KCNIP4: variants seen among roughly 807,000 people sequenced by gnomAD.
KCNIP4 encodes Kv channel-interacting protein 4.
A neutral mutation model predicts 34.0 loss-of-function variants in KCNIP4; 12 were observed. That is an observed-to-expected ratio of 0.35 (90% CI 0.23 to 0.57). The LOEUF (loss-of-function observed/expected upper bound fraction) is 0.57, where lower values mean the gene tolerates loss of function less well. Among genes scored for constraint, KCNIP4 ranks in the 20% least tolerant of loss-of-function variants. The pLI is 0.83. For missense variants in KCNIP4, 238 were observed against 311.7 expected (o/e 0.76, Z 1.78); for synonymous variants, 124 against 102.2 (o/e 1.21, Z -1.29).
At chr4:21,917,557 T>C (rs1028847746) in intron 1 of KCNIP4, among the ~76,000 whole-genome samples, 33 of 152,344 alleles carry the variant, frequency 2.2e-4, no homozygotes, top group Admixed American at 7.8e-4. Flanking sequence ...AGTTAAGGAC[T>C]TGACCACATC....
intron 6 of KCNIP4, among the ~76,000 whole-genome samples, chr4:20,733,165 A>AATAT (rs1748754738): frequency 1.3e-5 from 2 of 152,210 alleles, no homozygotes; most frequent in Non-Finnish European, 2.9e-5. Flanking sequence ...TTGAGAATCA[A>AATAT]ATATACGGCA....
At chr4:21,714,789 A>T (rs201857643) in intron 1 of KCNIP4, among the ~76,000 whole-genome samples, 133 of 4,884 alleles carry the variant, frequency 0.027, 7 homozygotes, top group South Asian at 0.17. Context: ...CCCTTTGATT[A>T]TTTTATTTTA....
At chr4:21,506,491 T>C (rs1327485577) in intron 1 of KCNIP4, among the ~76,000 whole-genome samples, 1 of 152,216 alleles carries the variant, frequency 6.6e-6, no homozygotes, top group Admixed American at 6.5e-5. Context: ...TTAGTACATC[T>C]ACTAAAATTG....
intron 3 of KCNIP4, among the ~76,000 whole-genome samples, chr4:20,774,809 T>A (rs1756234049): frequency 6.6e-6 from 1 of 152,164 alleles, no homozygotes; most frequent in Non-Finnish European, 1.5e-5. Context: ...AGATGGCAAA[T>A]GTGCCTGGGG....
chr4:20,749,841 T>G, intron 4 of KCNIP4, 109 bp from the exon 5 acceptor site: 2 of 638,634 alleles, frequency 3.1e-6, no homozygotes, highest in Non-Finnish European at 5.3e-6. Flanking sequence ...CTCTGCCTCC[T>G]TTAGTTTGTG....
chr4:21,399,367 T>C (rs1421664196), intron 1 of KCNIP4, among the ~76,000 whole-genome samples: 2 of 152,184 alleles, frequency 1.3e-5, no homozygotes, highest in African/African-American at 4.8e-5. Flanking sequence ...ATGCAGGCAT[T>C]GTCTGCAACC....
At chr4:21,044,370 G>T (rs1220282303) in intron 1 of KCNIP4, among the ~76,000 whole-genome samples, 1 of 151,958 alleles carries the variant, frequency 6.6e-6, no homozygotes, top group African/African-American at 2.4e-5. Flanking sequence ...GGAGTGCAAT[G>T]GCGTGATCTT....
chr4:21,835,600 T>G lies in KCNIP4; in HGVS notation c.61+112971A>C, dbSNP rs201811834. On this transcript the variant is annotated intron_variant, in intron 1 of 8. Transcript: ENST00000382152. Reference sequence around the variant, plus strand: ...TTACGTTTTTTTTTGTTAGTTTTTTTTTGTTGTTGTTGTTTTTAACTAACA... The same window carrying G: ...TTACGTTTTTTTTTGTTAGTTTTTTGTTGTTGTTGTTGTTTTTAACTAACA... Among the ~76,000 whole-genome samples, 344 of 151,952 alleles carry G rather than the reference T, an allele frequency of 2.3e-3. 1 individual carries two copies. Among genetic ancestry groups the G allele is most frequent in the South Asian group, 8.3e-3 (40 of 4,816 alleles).
At chr4:20,779,576 A>ACCCC (rs71653900) in intron 3 of KCNIP4, among the ~76,000 whole-genome samples, 5 of 80,552 alleles carry the variant, frequency 6.2e-5, no homozygotes, top group Non-Finnish European at 9.7e-5. Flanking sequence ...CTGCCCCACA[A>ACCCC]CCCCCCCCCC....
chr4:21,510,758 C>T (rs1734246416), intron 1 of KCNIP4, among the ~76,000 whole-genome samples: 1 of 152,010 alleles, frequency 6.6e-6, no homozygotes, highest in Admixed American at 6.6e-5. Context: ...TGGCTCATGC[C>T]TGTAACCCAG....
intron 1 of KCNIP4, among the ~76,000 whole-genome samples, chr4:20,955,030 G>A (rs1733149665): frequency 6.6e-6 from 1 of 152,154 alleles, no homozygotes; most frequent in South Asian, 2.1e-4. Flanking sequence ...TGGCATGGAG[G>A]GGAGAGAGGC....
intron 1 of KCNIP4, among the ~76,000 whole-genome samples, chr4:21,040,647 G>T (rs1046038247): frequency 6.6e-6 from 1 of 151,902 alleles, no homozygotes; most frequent in Non-Finnish European, 1.5e-5. Flanking sequence ...GCTACTTTAG[G>T]CAAAGTATAT....
chr4:21,125,830 A>G (rs992035147), intron 1 of KCNIP4, among the ~76,000 whole-genome samples: 1 of 152,108 alleles, frequency 6.6e-6, no homozygotes, highest in Non-Finnish European at 1.5e-5. Context: ...ATATTTTTAG[A>G]GTAGTTATTC....
intron 1 of KCNIP4, among the ~76,000 whole-genome samples, chr4:21,816,435 C>A (rs897333176): frequency 5.3e-5 from 8 of 151,992 alleles, no homozygotes; most frequent in Non-Finnish European, 1.2e-4. Context: ...ATAATTCACC[C>A]ATCAAATAAA....
chr4:21,795,943 C>T (rs148718085), intron 1 of KCNIP4, among the ~76,000 whole-genome samples: 3 of 152,100 alleles, frequency 2.0e-5, no homozygotes, highest in African/African-American at 4.8e-5. Flanking sequence ...GTGGTGCGTG[C>T]CTGTAATCCC....
At chr4:21,429,556 G>T (rs1033533796) in intron 1 of KCNIP4, among the ~76,000 whole-genome samples, 4 of 152,268 alleles carry the variant, frequency 2.6e-5, no homozygotes, top group South Asian at 2.1e-4. Flanking sequence ...ATAGGAAGCT[G>T]CCCAACTGTC....
intron 1 of KCNIP4, among the ~76,000 whole-genome samples, chr4:21,882,882 C>T (rs555199649): frequency 6.6e-6 from 1 of 152,182 alleles, no homozygotes; most frequent in African/African-American, 2.4e-5. Context: ...TTCTGAGGTA[C>T]TATAGTTTTG....
intron 1 of KCNIP4, among the ~76,000 whole-genome samples, chr4:21,880,509 T>C (rs2109383382): frequency 6.6e-6 from 1 of 152,332 alleles, no homozygotes; most frequent in Non-Finnish European, 1.5e-5. Context: ...ATTTTCATCA[T>C]TAAAAACTAC....
intron 1 of KCNIP4, among the ~76,000 whole-genome samples, chr4:21,070,021 A>G (rs773842141): frequency 1.3e-5 from 2 of 152,208 alleles, no homozygotes; most frequent in Non-Finnish European, 2.9e-5. Flanking sequence ...ACTCTGGGCA[A>G]TCACTAACCT....
Sources: gnomAD v4.1 joint callset for allele counts (sites outside exome capture counted in the v4.1 genomes callset) on GRCh38, gnomAD v4.1.1 for gene constraint, MANE v1.5 for transcripts, NCBI Gene and HGNC (gene_info 2026-07-23, HGNC 2026-07-21) for gene names.